Variants in ASCC3 observed in about 807,000 individuals in gnomAD.
ASCC3 encodes the protein activating signal cointegrator 1 complex subunit 3, also known as ASC-1 complex subunit P200.
A neutral mutation model predicts 256.3 loss-of-function variants in ASCC3; 158 were observed. The observed-to-expected ratio is 0.62, with a 90% CI of 0.54 to 0.70. The LOEUF is 0.70. Among genes scored for constraint, ASCC3 ranks in the 30% least tolerant of loss-of-function variants. The probability of loss-of-function intolerance (pLI) is 0.00; values close to 1 mark genes in which losing one functional copy is unlikely to be tolerated. For missense variants in ASCC3, 2,259 were observed against 2,626.0 expected, an observed-to-expected ratio of 0.86 and a Z score of 3.05; for synonymous variants, 948 against 883.4, an observed-to-expected ratio of 1.07 and a Z score of -1.30.
chr6:100,730,133 C>A (rs1248023963), intron 10 of ASCC3, among the ~76,000 whole-genome samples: 2 of 151,366 alleles, frequency 1.3e-5, no homozygotes, highest in East Asian at 1.9e-4. Flanking sequence ...GGTGAGACCT[C>A]GCCTCCAGAA....
At chr6:100,699,063 C>G (rs569204545) in intron 13 of ASCC3, among the ~76,000 whole-genome samples, 14 of 152,278 alleles carry the variant, frequency 9.2e-5, no homozygotes, top group Admixed American at 9.2e-4. Context: ...AGGGCTATAT[C>G]ATATATAGCC....
intron 36 of ASCC3, among the ~76,000 whole-genome samples, chr6:100,576,658 G>C (rs535731442): frequency 6.6e-6 from 1 of 151,998 alleles, no homozygotes; most frequent in South Asian, 2.1e-4. Flanking sequence ...GCATGTAGTG[G>C]GTTCTCAGTA....
chr6:100,805,213 A>C (rs1582889482), intron 5 of ASCC3, among the ~76,000 whole-genome samples: 1 of 152,158 alleles, frequency 6.6e-6, no homozygotes, highest in African/African-American at 2.4e-5. Flanking sequence ...TGTCCTTTGC[A>C]ACAATATGAA....
chr6:100,742,274 G>C (rs963679561), intron 10 of ASCC3, among the ~76,000 whole-genome samples: 2 of 151,764 alleles, frequency 1.3e-5, no homozygotes, highest in Non-Finnish European at 2.9e-5. Flanking sequence ...GTACTGACCT[G>C]TTGTTGGCCT....
chr6:100,569,635 C>T (rs950856259), intron 36 of ASCC3, among the ~76,000 whole-genome samples: 7 of 152,168 alleles, frequency 4.6e-5, no homozygotes, highest in African/African-American at 1.7e-4. Context: ...CCGCCCTCCT[C>T]AGCCTCCCAA....
intron 13 of ASCC3, among the ~76,000 whole-genome samples, chr6:100,687,034 T>TCTCTCACA (rs1459889611): frequency 7.7e-6 from 1 of 130,564 alleles, no homozygotes; most frequent in African/African-American, 2.9e-5. Context: ...TCTCTCTCTC[T>TCTCTCACA]CACACACACA....
chr6:100,619,369 A>G (rs1773831074), intron 30 of ASCC3, among the ~76,000 whole-genome samples: 1 of 152,204 alleles, frequency 6.6e-6, no homozygotes, highest in Admixed American at 6.5e-5. Context: ...TGGGAAACTT[A>G]TCCTGATGAA....
intron 14 of ASCC3, among the ~76,000 whole-genome samples, chr6:100,664,446 C>A (rs1343624924): frequency 1.3e-5 from 2 of 151,968 alleles, no homozygotes; most frequent in African/African-American, 4.8e-5. Flanking sequence ...AATGCATTAA[C>A]AAACCACACC....
In ASCC3 at chr6:100,630,482, G is replaced by GT. The variant is rs1388767954; in HGVS notation, c.4208+645dup. Among the ~76,000 whole-genome samples the GT allele has an allele frequency of 4.2e-3, 534 of 128,272 alleles. 2 individuals carry two copies. The highest frequency in any genetic ancestry group is 9.6e-3 in the African/African-American group (336 of 34,970). 84.2% of individuals were successfully genotyped at this position (128,272 alleles called of 152,430 possible). On this transcript the variant is annotated intron_variant, in intron 26 of 41. Coordinates refer to ENST00000369162, the MANE Select transcript of ASCC3 (RefSeq NM_006828.4). ...GCTAGGATACTTATATTTTTTTTTT[G>GT]TTTTTTTTTTTTACATTATCTTTGG...
At chr6:100,786,239 T>C (rs1769072157) in intron 8 of ASCC3, among the ~76,000 whole-genome samples, 1 of 152,204 alleles carries the variant, frequency 6.6e-6, no homozygotes, top group South Asian at 2.1e-4. Flanking sequence ...ACATCTTCTT[T>C]AGGGTGCTAT....
In ASCC3 at chr6:100,799,496, A is replaced by G. The variant is rs1562305006; in HGVS notation, c.1204T>C (p.Tyr402His). Residue 402 changes from tyrosine to histidine, a missense_variant, in exon 7 of 42, where the codon TAT (tyrosine) becomes CAT (histidine). Physicochemically the swap from Tyr to His is moderately conservative, Grantham distance 83. Coordinates refer to ENST00000369162, the MANE Select transcript of ASCC3 (RefSeq NM_006828.4). ...QRDADVEKIH[Y>H]PHVYDSQAEA... Reference sequence around the variant, plus strand: ...GCCTGGGAATCATACACATGGGGATAATGTATTTTTTCAACGTCTGCATCT... The same window carrying G: ...GCCTGGGAATCATACACATGGGGATGATGTATTTTTTCAACGTCTGCATCT... 6.2e-7 allele frequency: 1 copy of G among 1,613,204 alleles called. No homozygotes were observed. The highest frequency in any genetic ancestry group is 8.5e-7 in the Non-Finnish European group (1 of 1,179,498).
At chr6:100,749,675 G>A (rs371740382) in intron 10 of ASCC3, among the ~76,000 whole-genome samples, 2 of 151,880 alleles carry the variant, frequency 1.3e-5, no homozygotes, top group South Asian at 2.1e-4. Flanking sequence ...CTAATGTTCC[G>A]TTGACTGCAA....
intron 10 of ASCC3, among the ~76,000 whole-genome samples, chr6:100,744,102 T>C (rs1459943299): frequency 6.6e-6 from 1 of 152,226 alleles, no homozygotes; most frequent in Non-Finnish European, 1.5e-5. Flanking sequence ...TTACTTATCC[T>C]TAGCAGAAGC....
At position 100,586,142 on chromosome 6, in the gene ASCC3, A is replaced by T. The variant is rs192933213; in HGVS notation, c.5550+3492T>A. Among the ~76,000 whole-genome samples, 180 of 152,240 alleles carry T rather than the reference A, an allele frequency of 1.2e-3. 1 individual carries two copies. Among genetic ancestry groups the T allele is most frequent in the African/African-American group, 3.6e-3 (150 of 41,536 alleles). ...CAGCCAGGGACATTTAAGTCTGCAG[A>T]CGTTACTGCTATCTTTTTGTTTGTC... is the stretch of plus-strand genomic sequence containing the variant. On this transcript the variant is annotated intron_variant, in intron 36 of 41. Coordinates refer to ENST00000369162, the MANE Select transcript of ASCC3 (RefSeq NM_006828.4).
intron 8 of ASCC3, among the ~76,000 whole-genome samples, chr6:100,796,692 A>C (rs1191076045): frequency 1.3e-5 from 2 of 152,044 alleles, no homozygotes; most frequent in South Asian, 4.2e-4. Context: ...CCAGAAACAA[A>C]ATCTGCTAGC....
At chr6:100,615,853 C>T (rs1223564312) in intron 30 of ASCC3, among the ~76,000 whole-genome samples, 4 of 152,180 alleles carry the variant, frequency 2.6e-5, no homozygotes, top group Non-Finnish European at 4.4e-5. Context: ...GTCTGCTTGA[C>T]ACTCAATATT....
intron 4 of ASCC3, among the ~76,000 whole-genome samples, chr6:100,822,725 CAAATAGG>C (rs1771113756): frequency 6.6e-6 from 1 of 151,998 alleles, no homozygotes; most frequent in South Asian, 2.1e-4. Context: ...TGACTTGAAA[CAAATAGG>C]AAATGCTCTC....
At chr6:100,533,369 C>A (rs1420227801) in intron 37 of ASCC3, among the ~76,000 whole-genome samples, 1 of 152,098 alleles carries the variant, frequency 6.6e-6, no homozygotes, top group Non-Finnish European at 1.5e-5. Context: ...TTAAACAAAA[C>A]TTTTACTAGG....
rs771807886 is a variant in ASCC3, at chr6:100,509,414, T to A, written c.6581A>T (p.Asp2194Val). The A allele has an allele frequency of 1.2e-6, 2 of 1,614,190 alleles. No homozygotes were observed. Among genetic ancestry groups the A allele is most frequent in the Non-Finnish European group, 1.7e-6 (2 of 1,180,032 alleles). The change falls in exon 42 of 42, where the codon GAT (aspartate) becomes GTT (valine). Residue 2194 changes from aspartate (D) to valine (V), a missense_variant. Physicochemically the swap from Asp to Val is radical, Grantham distance 152. Transcript: ENST00000369162. ...LSAQVNTKVS[D>V]SLTDLALK The stretch of plus-strand genomic sequence containing the variant: ...CTTTAATGCCAGGTCAGTCAGGGAA[T>A]CAGAGACCTTGGTGTTGACCTGTGC...
Sources: allele counts gnomAD v4.1 joint callset (sites outside exome capture counted in the v4.1 genomes callset), GRCh38; gene constraint gnomAD v4.1.1; transcripts MANE v1.5; gene names NCBI Gene and HGNC (gene_info 2026-07-23, HGNC 2026-07-21).